The following SLC43A2 variants were observed in gnomAD, a reference collection of about 807,000 sequenced individuals.
SLC43A2 encodes the protein large neutral amino acids transporter small subunit 4.
A neutral mutation model predicts 63.2 loss-of-function variants in SLC43A2; 38 were observed. The observed-to-expected ratio is 0.60, with a 90% CI of 0.46 to 0.79. The LOEUF is 0.79. SLC43A2 is among the 30% of genes least tolerant of loss of function. SLC43A2 has a pLI of 0.00. For missense variants in SLC43A2, 644 were observed against 756.2 expected (o/e 0.85, Z 1.74); for synonymous variants, 322 against 331.0 (o/e 0.97, Z 0.30).
upstream of SLC43A2, among the ~76,000 whole-genome samples, chr17:1,630,060 C>T (rs1909029157): frequency 6.6e-6 from 1 of 152,134 alleles, no homozygotes; most frequent in African/African-American, 2.4e-5. Context: ...GGCAGCATGG[C>T]GAGAACCATC....
rs960800292 is a variant in SLC43A2 at position 1,570,580 on chromosome 17, G to A, written c.*5024C>T. The A allele has an allele frequency of 6.9e-6, 1 of 145,822 alleles. No individual in the cohort carries two copies. Among genetic ancestry groups the A allele is most frequent in the Admixed American group, 6.9e-5 (1 of 14,594 alleles). 9.0% of individuals were successfully genotyped at this position (145,822 alleles called of 1,614,324 possible). A position where few individuals can be genotyped will look rare whatever the true frequency, so the allele number is the denominator to read the frequency against. On this transcript the variant is annotated 3_prime_UTR_variant, in exon 14 of 14. Coordinates refer to ENST00000301335, the MANE Select transcript of SLC43A2 (RefSeq NM_152346.3). Reference sequence around the variant, plus strand: ...CGGCTCACTGCAAGCTCCGCCTCCCGGGTTCACACCATTCTCCTGCCTCAG... The same window carrying A: ...CGGCTCACTGCAAGCTCCGCCTCCCAGGTTCACACCATTCTCCTGCCTCAG...
chr17:1,575,485 G>T lies in SLC43A2; in HGVS notation c.*119C>A. On this transcript the variant is annotated 3_prime_UTR_variant, in exon 14 of 14. Coordinates refer to ENST00000301335, the MANE Select transcript of SLC43A2 (RefSeq NM_152346.3). ...CCGAGGCAGGGCCCCGGGAGGGAGC[G>T]TGAACGCTGGCACGGAGACGGCGAA... The T allele has an allele frequency of 1.5e-6, 2 of 1,349,424 alleles. No individual in the cohort carries two copies. Among genetic ancestry groups the T allele is most frequent in the Non-Finnish European group, 1.0e-6 (1 of 955,520 alleles). The allele number at this position is 1,349,424 out of a possible 1,614,324, so 83.6% of individuals were successfully genotyped here. A position where few individuals can be genotyped will look rare whatever the true frequency, so the allele number is the denominator to read the frequency against.
At chr17:1,592,608 G>A (rs562365508) in intron 6 of SLC43A2, among the ~76,000 whole-genome samples, 60 of 152,284 alleles carry the variant, frequency 3.9e-4, no homozygotes, top group South Asian at 3.1e-3. Context: ...ACACACCACC[G>A]AGGAAAGGGG....
chr17:1,589,161 G>T (rs1051480980), intron 9 of SLC43A2, among the ~76,000 whole-genome samples: 2 of 152,158 alleles, frequency 1.3e-5, no homozygotes, highest in African/African-American at 4.8e-5. Context: ...TTGAACATAC[G>T]AAACAGTTGG....
At chr17:1,603,186 T>A (rs1468878286) in intron 5 of SLC43A2, 1 of 152,150 alleles carries the variant, frequency 6.6e-6, no homozygotes, top group Non-Finnish European at 1.5e-5. Context: ...GAGGGAAGTG[T>A]CCTCTGGCAG....
Position 1,605,618 on chromosome 17 carries a change from GT to G in SLC43A2, c.501+7576del, listed in dbSNP as rs1465100956. ...AGGTGGGTGGGGGCTGGGGAGCTGG[GT>G]GGTGGGTGGGGGCTGGCATTCTGGC... On this transcript the variant is annotated intron_variant, in intron 5 of 13. Coordinates refer to ENST00000301335, the MANE Select transcript of SLC43A2 (RefSeq NM_152346.3). The surrounding 1 kb of genome is among the most constrained non-coding windows in gnomAD (Gnocchi z 4.9). Among the ~76,000 whole-genome samples, 1 of 146,908 alleles carries G rather than the reference GT, an allele frequency of 6.8e-6. No individual in the cohort carries two copies. Among genetic ancestry groups the G allele is most frequent in the Admixed American group, 6.8e-5 (1 of 14,692 alleles).
chr17:1,591,511 C>T (rs749984260), intron 7 of SLC43A2, 40 bp from the exon 8 acceptor site: 11 of 1,611,144 alleles, frequency 6.8e-6, no homozygotes, highest in Admixed American at 1.7e-5. Context: ...CTGCCCGGGA[C>T]CCCGGCTGGG....
At chr17:1,580,539 G>A (rs1482569786) in intron 11 of SLC43A2, among the ~76,000 whole-genome samples, 1 of 152,080 alleles carries the variant, frequency 6.6e-6, no homozygotes, top group Non-Finnish European at 1.5e-5. Context: ...TTTTTGTTTT[G>A]TTTTCTTTTT....
rs1426234598 is a variant in SLC43A2, at chr17:1,569,410, C to T, written c.*6194G>A. The T allele has an allele frequency of 6.6e-6, 1 of 152,254 alleles. No homozygotes were observed. The highest frequency in any genetic ancestry group is 1.5e-5 in the Non-Finnish European group (1 of 68,058). 9.4% of individuals were successfully genotyped at this position (152,254 alleles called of 1,614,324 possible). ...ACAGGGTACGGATTAACCCTTCAGG[C>T]TCCCTTCCGAGGGCCTGGGCGGGGT... On this transcript the variant is annotated 3_prime_UTR_variant, in exon 14 of 14. Coordinates refer to ENST00000301335, the MANE Select transcript of SLC43A2 (RefSeq NM_152346.3).
At chr17:1,575,831 C>T in intron 13 of SLC43A2, 66 bp from the exon 14 acceptor site, 1 of 1,511,934 alleles carries the variant, frequency 6.6e-7, no homozygotes, top group Non-Finnish European at 8.9e-7. Flanking sequence ...GACCCGCCCT[C>T]CACTCGGGTT....
At position 1,627,827 on chromosome 17, in the gene SLC43A2, G is replaced by C. The variant is rs993373799; in HGVS notation, c.48C>G (p.Ala16=). 5 of 1,591,918 alleles carry C rather than the reference G, an allele frequency of 3.1e-6. No homozygotes were observed. The highest frequency in any genetic ancestry group is 1.8e-5 in the Admixed American group (1 of 56,844). The change falls in exon 2 of 14, where the codon GCC becomes GCG. Residue 16 remains alanine (A), a synonymous_variant. Transcript: ENST00000301335. ...GGAGGTTCTCCAGCACGGCCGTGCA[G>C]GCCATCCACCAGCGGCGCCGATGGG... ...ATAHRRRWWM[A]CTAVLENLLF...
chr17:1,598,109 A>G (rs1413999629), intron 5 of SLC43A2, among the ~76,000 whole-genome samples: 1 of 152,112 alleles, frequency 6.6e-6, no homozygotes, highest in Admixed American at 6.5e-5. Context: ...GCATGCCAGC[A>G]CAGCCGGCGC....
chr17:1,607,928 C>G (rs1048319517), intron 5 of SLC43A2, among the ~76,000 whole-genome samples: 3 of 152,124 alleles, frequency 2.0e-5, no homozygotes, highest in African/African-American at 7.2e-5. Context: ...GTTGGCCAGC[C>G]TGCTCTCAAA....
intron 5 of SLC43A2, among the ~76,000 whole-genome samples, chr17:1,594,878 G>T (rs12939321): frequency 6.6e-6 from 1 of 151,482 alleles, no homozygotes; most frequent in East Asian, 1.9e-4. Flanking sequence ...GTGAGCCACC[G>T]CGCCCAACCT....
intron 11 of SLC43A2, among the ~76,000 whole-genome samples, chr17:1,579,624 C>T (rs2075982653): frequency 6.6e-6 from 1 of 151,818 alleles, no homozygotes; most frequent in Admixed American, 6.6e-5. Context: ...TCACTTGAGC[C>T]CAGGAGTTCC....
At chr17:1,591,187 T>G in intron 8 of SLC43A2, 82 bp downstream of exon 8, 1 of 1,533,292 alleles carries the variant, frequency 6.5e-7, no homozygotes, top group Non-Finnish European at 8.8e-7. Flanking sequence ...GCCTCCCCTT[T>G]TGGGGTGAGG....
At chr17:1,616,897 G>A in intron 2 of SLC43A2, 128 bp from the exon 3 acceptor site, 2 of 1,028,784 alleles carry the variant, frequency 1.9e-6, no homozygotes, top group Non-Finnish European at 1.4e-6. Flanking sequence ...CCTCTCGAGG[G>A]CTCAGGCTAC....
chr17:1,628,457 GC>G (rs1908892331), intron 1 of SLC43A2: 1 of 148,640 alleles, frequency 6.7e-6, no homozygotes, highest in Admixed American at 6.7e-5. Context: ...GCCGGACGGC[GC>G]AGGAACTGCC....
At position 1,578,507 on chromosome 17, in the gene SLC43A2, T is replaced by C; in HGVS notation, c.1351-184A>G. 1 of 544,976 alleles carries C rather than the reference T, an allele frequency of 1.8e-6. No homozygotes were observed. The highest frequency in any genetic ancestry group is 3.3e-6 in the Non-Finnish European group (1 of 305,346). The allele number at this position is 544,976 out of a possible 1,614,324, so 33.8% of individuals were successfully genotyped here. A position where few individuals can be genotyped will look rare whatever the true frequency, so the allele number is the denominator to read the frequency against. ...TGCAAGCCAGTCGTTAACACAGTCA[T>C]TTTTTGTTTGTTTGTTTGTTTTGTT... On this transcript the variant is annotated intron_variant, in intron 11 of 13. Coordinates refer to ENST00000301335, the MANE Select transcript of SLC43A2 (RefSeq NM_152346.3). This position sits in a 1 kb window ranked among gnomAD's most constrained non-coding sequence, Gnocchi z 6.5.
Sources: allele counts gnomAD v4.1 joint callset (sites outside exome capture counted in the v4.1 genomes callset), GRCh38; gene constraint gnomAD v4.1.1; non-coding constraint Gnocchi (gnomAD v3.1); transcripts MANE v1.5; gene names NCBI Gene and HGNC (gene_info 2026-07-23, HGNC 2026-07-21).